PIP4K2A: variants seen among roughly 807,000 people sequenced by gnomAD.
The protein encoded by PIP4K2A is phosphatidylinositol-5-phosphate 4-kinase type 2 alpha, also known as phosphatidylinositol 5-phosphate 4-kinase type-2 alpha.
In PIP4K2A, 14 loss-of-function variants were observed where a neutral mutation model predicts 42.9. That is an observed-to-expected ratio of 0.33 (90% confidence interval 0.22 to 0.51). The LOEUF (loss-of-function observed/expected upper bound fraction) is 0.51. Among genes scored for constraint, PIP4K2A ranks in the 20% least tolerant of loss-of-function variants. The probability of loss-of-function intolerance (pLI) is 0.97; values close to 1 mark genes in which losing one functional copy is unlikely to be tolerated. For synonymous variants in PIP4K2A, 192 were observed against 192.2 expected, an observed-to-expected ratio of 1.00 and a Z score of 0.01; for missense variants, 434 against 519.8, an observed-to-expected ratio of 0.83 and a Z score of 1.61.
At chr10:22,558,858 C>T (rs7097972) in intron 6 of PIP4K2A, among the ~76,000 whole-genome samples, 82,775 of 152,082 alleles carry the variant, frequency 0.54, 23,283 homozygotes, top group South Asian at 0.76. Flanking sequence ...TAAGTTATAA[C>T]TGTTAGGGCT....
At chr10:22,595,210 TGA>T (rs1837605836) in intron 3 of PIP4K2A, among the ~76,000 whole-genome samples, 1 of 152,182 alleles carries the variant, frequency 6.6e-6, no homozygotes, top group Non-Finnish European at 1.5e-5. Context: ...AATATTCCTG[TGA>T]GAGAGGAAAA....
intron 3 of PIP4K2A, among the ~76,000 whole-genome samples, chr10:22,606,436 GCTCAGGGTCTGGAC>G (rs1478905769): frequency 6.6e-6 from 1 of 152,214 alleles, no homozygotes; most frequent in African/African-American, 2.4e-5. Flanking sequence ...CAGAGCCTCA[GCTCAGGGTCTGGAC>G]CTCCATGTAA....
intron 6 of PIP4K2A, among the ~76,000 whole-genome samples, chr10:22,565,838 G>GT (rs145090958): frequency 6.6e-6 from 1 of 151,644 alleles, no homozygotes; most frequent in Non-Finnish European, 1.5e-5. Context: ...CTTATAAACA[G>GT]CCCCCCCAGG....
At chr10:22,561,561 C>T (rs4748815) in intron 6 of PIP4K2A, among the ~76,000 whole-genome samples, 133,270 of 134,140 alleles carry the variant, frequency 0.99, 66,205 homozygotes, top group South Asian at 1. Flanking sequence ...AGATTCTCTA[C>T]GCAGTTTTTT....
At chr10:22,628,662 G>C (rs1238793190) in intron 1 of PIP4K2A, among the ~76,000 whole-genome samples, 1 of 152,178 alleles carries the variant, frequency 6.6e-6, no homozygotes, top group African/African-American at 2.4e-5. Context: ...TTGAAGCAGG[G>C]GAAGGCAGGC....
At chr10:22,645,386 A>G (rs903347243) in intron 1 of PIP4K2A, among the ~76,000 whole-genome samples, 2 of 152,068 alleles carry the variant, frequency 1.3e-5, no homozygotes, top group African/African-American at 4.8e-5. Context: ...TCTCTACAAA[A>G]CATTTTAAAA....
chr10:22,640,577 A>AGT (rs1838760948), intron 1 of PIP4K2A, among the ~76,000 whole-genome samples: 1 of 152,186 alleles, frequency 6.6e-6, no homozygotes, highest in South Asian at 2.1e-4. Flanking sequence ...TGGAGTGCCC[A>AGT]GTGACCCGTG....
chr10:22,701,085 T>C (rs1833706792), intron 1 of PIP4K2A, among the ~76,000 whole-genome samples: 1 of 152,148 alleles, frequency 6.6e-6, no homozygotes, highest in South Asian at 2.1e-4. Flanking sequence ...ATTCAATTCT[T>C]GAAGAATTTC....
At chr10:22,679,999 AT>A (rs1270565171) in intron 1 of PIP4K2A, among the ~76,000 whole-genome samples, 2 of 152,128 alleles carry the variant, frequency 1.3e-5, no homozygotes, top group Non-Finnish European at 2.9e-5. Flanking sequence ...TTTAGTAAAT[AT>A]ACTAAAAAGC....
chr10:22,614,818 C>A lies in PIP4K2A; in HGVS notation c.145-5101G>T, dbSNP rs1838139309. On this transcript the variant is annotated intron_variant, in intron 1 of 9. Coordinates refer to ENST00000376573, the MANE Select transcript of PIP4K2A (RefSeq NM_005028.5). ...TTTAGCCTGTTACTTTGCTCTTACC[C>A]AAACTAAAATATATTGCTTGTCTCT... Among the ~76,000 whole-genome samples, 4 of 152,306 alleles carry A rather than the reference C, an allele frequency of 2.6e-5. No homozygotes were observed. In the South Asian group the frequency reaches 8.3e-4, roughly 32 times the overall value.
Position 22,549,757 on chromosome 10 carries a change from C to T in PIP4K2A, c.792+902G>A, listed in dbSNP as rs553938195. Among the ~76,000 whole-genome samples, 213 of 131,390 alleles carry T rather than the reference C, an allele frequency of 1.6e-3. 1 individual carries two copies. Among genetic ancestry groups the T allele is most frequent in the African/African-American group, 5.7e-3 (198 of 34,886 alleles). 86.2% of individuals were successfully genotyped at this position (131,390 alleles called of 152,430 possible). A position where few individuals can be genotyped will look rare whatever the true frequency, so the allele number is the denominator to read the frequency against. On this transcript the variant is annotated intron_variant, in intron 7 of 9. Transcript: ENST00000376573. The stretch of plus-strand genomic sequence containing the variant: ...TCAGGAGGCTGAGGCGGGAGAATGG[C>T]GTGAACCTGGGAGGCAGAGCTTGCA...
chr10:22,598,348 ACT>A (rs1375357024), intron 3 of PIP4K2A, among the ~76,000 whole-genome samples: 5 of 152,090 alleles, frequency 3.3e-5, no homozygotes, highest in Non-Finnish European at 5.9e-5. Flanking sequence ...ACAGACAGAG[ACT>A]CTGTTAAAAA....
intron 4 of PIP4K2A, among the ~76,000 whole-genome samples, chr10:22,576,438 T>C (rs1837123839): frequency 6.6e-6 from 1 of 152,114 alleles, no homozygotes; most frequent in South Asian, 2.1e-4. Flanking sequence ...CAAGGATTCC[T>C]ACACACACCA....
At chr10:22,554,915 C>T (rs1340321489) in intron 6 of PIP4K2A, among the ~76,000 whole-genome samples, 1 of 152,196 alleles carries the variant, frequency 6.6e-6, no homozygotes, top group Non-Finnish European at 1.5e-5. Flanking sequence ...AAATACAGCC[C>T]AACGCAGAGC....
At chr10:22,595,705 C>G (rs147253354) in intron 3 of PIP4K2A, among the ~76,000 whole-genome samples, 3 of 150,358 alleles carry the variant, frequency 2.0e-5, no homozygotes, top group East Asian at 2.0e-4. Flanking sequence ...TGCAATGAGC[C>G]GAGATCACAC....
At chr10:22,600,574 C>G (rs1837738909) in intron 3 of PIP4K2A, among the ~76,000 whole-genome samples, 2 of 152,144 alleles carry the variant, frequency 1.3e-5, no homozygotes. Flanking sequence ...TTCTTTTCCC[C>G]AACCCTGGCT....
intron 3 of PIP4K2A, among the ~76,000 whole-genome samples, chr10:22,602,103 C>T (rs1203790726): frequency 2.0e-5 from 3 of 152,160 alleles, no homozygotes; most frequent in Non-Finnish European, 4.4e-5. Context: ...TTAGAAAATA[C>T]AGACCTCGGG....
rs151215263 is a variant in PIP4K2A, at chr10:22,685,656, G to A, written c.144+28527C>T. 2.7e-3 allele frequency among the ~76,000 whole-genome samples: 408 copies of A among 152,288 alleles called. 1 individual carries two copies. The highest frequency in any genetic ancestry group is 4.1e-3 in the Non-Finnish European group (278 of 68,022). The stretch of plus-strand genomic sequence containing the variant: ...GGATCCCTTGAGCCCAGGAGATTGA[G>A]GCTGTGGTAAGCTATGATCCCACCA... On this transcript the variant is annotated intron_variant, in intron 1 of 9. Coordinates refer to ENST00000376573, the MANE Select transcript of PIP4K2A (RefSeq NM_005028.5).
Position 22,609,707 on chromosome 10 carries a change from A to G in PIP4K2A, c.155T>C (p.Leu52Pro), listed in dbSNP as rs1396716039. Reference protein sequence around the residue: ...MWGVNHSINELSHVQIPVMLM... With the variant: ...MWGVNHSINEPSHVQIPVMLM... ...CATAACAGGGATTTGAACATGGCTC[A>G]GTTCATTGATCTGGAAAAATATAAA... The change falls in exon 2 of 10, where the codon CTG becomes CCG. Residue 52 changes from leucine to proline, a missense_variant. Physicochemically the swap from Leu to Pro is moderately conservative, Grantham distance 98 (BLOSUM62 -3). Around this residue, in one of 2 missense-constraint regions of PIP4K2A, gnomAD observed 395 missense variants for 444.5 expected, o/e 0.89. Transcript: ENST00000376573. 9 of 1,596,540 alleles carry G rather than the reference A, an allele frequency of 5.6e-6. No homozygotes were observed. Among genetic ancestry groups the G allele is most frequent in the African/African-American group, 1.3e-5 (1 of 74,440 alleles).
Sources: gnomAD v4.1 joint callset for allele counts (sites outside exome capture counted in the v4.1 genomes callset) on GRCh38, gnomAD v4.1.1 for gene constraint, gnomAD v4.1.1 regional missense constraint, MANE v1.5 for transcripts, NCBI Gene and HGNC (gene_info 2026-07-23, HGNC 2026-07-21) for gene names.